BBS9: variants seen among roughly 807,000 people sequenced by gnomAD.
BBS9 encodes the protein Bardet-Biedl syndrome 9, also known as protein PTHB1.
In BBS9, 89 loss-of-function variants were observed where a neutral mutation model predicts 117.7. The ratio of observed to expected loss-of-function variants is 0.76; its 90% confidence interval spans 0.64 to 0.90. BBS9 has a LOEUF of 0.90. Among genes scored for constraint, BBS9 ranks in the 40% least tolerant of loss-of-function variants. The pLI is 0.00. For synonymous variants in BBS9, 379 were observed against 370.9 expected (o/e 1.02, Z -0.25); for missense variants, 982 against 1,042.2 (o/e 0.94, Z 0.80).
intron 4 of BBS9, among the ~76,000 whole-genome samples, chr7:33,164,754 A>G (rs912285869): frequency 1.3e-5 from 2 of 152,140 alleles, no homozygotes; most frequent in African/African-American, 4.8e-5. Flanking sequence ...TCCTGAATAC[A>G]GTACACTGAT....
At chr7:33,520,308 G>T (rs542027429) in intron 20 of BBS9, among the ~76,000 whole-genome samples, 1 of 152,090 alleles carries the variant, frequency 6.6e-6, no homozygotes, top group Non-Finnish European at 1.5e-5. Flanking sequence ...CACTGTGCCC[G>T]GCCCCAAAAT....
At chr7:33,250,195 T>C (rs146165732) in intron 5 of BBS9, among the ~76,000 whole-genome samples, 1 of 152,334 alleles carries the variant, frequency 6.6e-6, no homozygotes, top group African/African-American at 2.4e-5. Flanking sequence ...TTGTTTAAGT[T>C]CTGCAGGTTT....
intron 5 of BBS9, among the ~76,000 whole-genome samples, chr7:33,235,880 T>C (rs1793387442): frequency 6.6e-6 from 1 of 152,212 alleles, no homozygotes; most frequent in South Asian, 2.1e-4. Flanking sequence ...AACAATCTTT[T>C]TACTTTTCAC....
chr7:33,162,488 G>C (rs1160424097), intron 4 of BBS9, among the ~76,000 whole-genome samples: 3 of 151,818 alleles, frequency 2.0e-5, no homozygotes, highest in African/African-American at 7.3e-5. Context: ...CCATTTGTTT[G>C]TGTCCTCTTT....
At chr7:33,366,287 C>CTTT (rs1410949679) in intron 16 of BBS9, among the ~76,000 whole-genome samples, 2 of 152,102 alleles carry the variant, frequency 1.3e-5, no homozygotes, top group African/African-American at 4.8e-5. Context: ...AGGCTGTTGC[C>CTTT]TTTATTCTTT....
At chr7:33,177,768 C>G in intron 5 of BBS9, 177 bp downstream of exon 5, 1 of 604,766 alleles carries the variant, frequency 1.7e-6, no homozygotes, top group Non-Finnish European at 3.0e-6. Flanking sequence ...CTGAATGTGC[C>G]TGATATCGTC....
At chr7:33,170,992 T>A in intron 4 of BBS9, among the ~76,000 whole-genome samples, 1 of 149,070 alleles carries the variant, frequency 6.7e-6, no homozygotes, top group Non-Finnish European at 1.5e-5. Flanking sequence ...TGCTCATGGG[T>A]AGGAAGAATC....
chr7:33,583,626 A>T (rs374342996), intron 21 of BBS9, among the ~76,000 whole-genome samples: 1 of 152,122 alleles, frequency 6.6e-6, no homozygotes, highest in East Asian at 1.9e-4. Context: ...AAAACATGTG[A>T]TGTGCCCTTT....
chr7:33,347,172 TGTAAAGA>T lies in BBS9; in HGVS notation c.1330-1890_1330-1884del, dbSNP rs564981798. Among the ~76,000 whole-genome samples, 246 of 152,322 alleles carry T rather than the reference TGTAAAGA, an allele frequency of 1.6e-3. 1 individual carries two copies. The highest frequency in any genetic ancestry group is 2.8e-3 in the Non-Finnish European group (191 of 68,014). On this transcript the variant is annotated intron_variant, in intron 12 of 22. Transcript: ENST00000242067. ...TATGATGGTACCTGTCAAACATTTT[TGTAAAGA>T]GTAAATTAAATAATGGCACGTAAAT... is the stretch of plus-strand genomic sequence containing the variant.
At chr7:33,520,173 T>C (rs1439611620) in intron 20 of BBS9, among the ~76,000 whole-genome samples, 1 of 152,082 alleles carries the variant, frequency 6.6e-6, no homozygotes, top group Non-Finnish European at 1.5e-5. Context: ...TGCACCCAAC[T>C]AATTTTTGTA....
At chr7:33,516,943 T>C (rs1041122065) in intron 20 of BBS9, among the ~76,000 whole-genome samples, 13 of 152,238 alleles carry the variant, frequency 8.5e-5, no homozygotes, top group Admixed American at 1.3e-4. Context: ...ATATGTTTCA[T>C]TTTTTGCATT....
intron 5 of BBS9, among the ~76,000 whole-genome samples, chr7:33,252,120 GA>G (rs1562879223): frequency 1.3e-5 from 2 of 152,144 alleles, no homozygotes; most frequent in African/African-American, 4.8e-5. Flanking sequence ...AGGAGCAAGA[GA>G]GGGAGGGGGG....
At chr7:33,632,230 A>G (rs1042373412) in intron 21 of BBS9, among the ~76,000 whole-genome samples, 1 of 152,102 alleles carries the variant, frequency 6.6e-6, no homozygotes, top group African/African-American at 2.4e-5. Flanking sequence ...TGCCTGGACA[A>G]TCATAAACCC....
intron 21 of BBS9, among the ~76,000 whole-genome samples, chr7:33,596,312 G>A (rs1862778977): frequency 1.4e-5 from 2 of 146,676 alleles, no homozygotes; most frequent in African/African-American, 5.2e-5. Flanking sequence ...ATATATGTGT[G>A]TGTGACTATT....
At chr7:33,589,340 A>C (rs1861485366) in intron 21 of BBS9, among the ~76,000 whole-genome samples, 3 of 152,126 alleles carry the variant, frequency 2.0e-5, no homozygotes, top group African/African-American at 7.2e-5. Context: ...TCATCACACT[A>C]CCCAAAACAG....
intron 9 of BBS9, among the ~76,000 whole-genome samples, chr7:33,309,743 A>G (rs1808807816): frequency 6.6e-6 from 1 of 152,208 alleles, no homozygotes; most frequent in South Asian, 2.1e-4. Context: ...ATATAATTCA[A>G]GTGGAAATAC....
chr7:33,190,180 C>T (rs1252775440), intron 5 of BBS9, among the ~76,000 whole-genome samples: 5 of 140,752 alleles, frequency 3.6e-5, no homozygotes, highest in African/African-American at 5.3e-5. Context: ...AGTGCAGTGG[C>T]GCAATCTCGG....
chr7:33,616,083 G>T (rs1372486118), intron 21 of BBS9, among the ~76,000 whole-genome samples: 1 of 151,852 alleles, frequency 6.6e-6, no homozygotes, highest in Non-Finnish European at 1.5e-5. Context: ...AATAATATAG[G>T]TTAGAAATTT....
At chr7:33,563,952 A>G (rs1226433532) in intron 21 of BBS9, among the ~76,000 whole-genome samples, 1 of 152,212 alleles carries the variant, frequency 6.6e-6, no homozygotes, top group African/African-American at 2.4e-5. Flanking sequence ...ATTGCTGCCG[A>G]TAAGACCACA....
Sources: gnomAD v4.1 joint callset for allele counts (sites outside exome capture counted in the v4.1 genomes callset) on GRCh38, gnomAD v4.1.1 for gene constraint, MANE v1.5 for transcripts, NCBI Gene and HGNC (gene_info 2026-07-23, HGNC 2026-07-21) for gene names.